The following HHIPL1 variants were observed in gnomAD, a reference collection of about 807,000 sequenced individuals.
HHIPL1 encodes HHIP-like protein 1.
In HHIPL1, 43 loss-of-function variants were observed where a neutral mutation model predicts 61.8. The ratio of observed to expected loss-of-function variants is 0.70; its 90% CI spans 0.55 to 0.90. HHIPL1 has a LOEUF of 0.90. Ranked by LOEUF, HHIPL1 falls within the 40% of genes least tolerant of loss-of-function variation. The pLI is 0.00. For synonymous variants in HHIPL1, 482 were observed against 515.8 expected, an observed-to-expected ratio of 0.93 and a Z score of 0.89; for missense variants, 1,056 against 1,157.7, an observed-to-expected ratio of 0.91 and a Z score of 1.28.
intron 5 of HHIPL1, among the ~76,000 whole-genome samples, chr14:99,661,309 G>C (rs1252363955): frequency 6.6e-6 from 1 of 151,856 alleles, no homozygotes; most frequent in Non-Finnish European, 1.5e-5. Flanking sequence ...GATGATCATA[G>C]TACTTGCCCC....
At chr14:99,614,498 C>T in the HHIPL1 span, among the ~76,000 whole-genome samples, 1 of 152,204 alleles carries the variant, frequency 6.6e-6, no homozygotes, top group Non-Finnish European at 1.5e-5. Flanking sequence ...CAGCCCCAGC[C>T]ACCCTTAGAA....
At chr14:99,631,062 T>TTC in the HHIPL1 span, among the ~76,000 whole-genome samples, 2 of 122,214 alleles carry the variant, frequency 1.6e-5, no homozygotes, top group African/African-American at 6.5e-5. Flanking sequence ...CTTTCTTTCT[T>TTC]TCTTTCTTTC....
intron 1 of HHIPL1, among the ~76,000 whole-genome samples, chr14:99,647,463 AG>A (rs1476775378): frequency 1.3e-5 from 2 of 152,206 alleles, no homozygotes; most frequent in Non-Finnish European, 2.9e-5. Context: ...GGATGGAGGA[AG>A]GGAAGGGTCA....
chr14:99,644,988 G>A (rs1047721765), upstream of HHIPL1: 8 of 390,728 alleles, frequency 2.0e-5, no homozygotes, highest in South Asian at 1.3e-4. Context: ...AATTTGGAAA[G>A]CGGTTAAAAG....
chr14:99,645,432 C>A lies in HHIPL1; in HGVS notation c.225C>A (p.Cys75Ter), dbSNP rs556580842. The A allele has an allele frequency of 2.9e-6, 4 of 1,360,276 alleles. No individual in the cohort carries two copies. Among genetic ancestry groups the A allele is most frequent in the Non-Finnish European group, 3.8e-6 (4 of 1,061,506 alleles). 84.3% of individuals were successfully genotyped at this position (1,360,276 alleles called of 1,614,324 possible). ...SRVDAAEWAACAGYARDLLCQ... is the reference protein window; with the variant it reads ...SRVDAAEWAA ...TGGACGCCGCCGAGTGGGCCGCGTG[C>A]GCCGGCTACGCGAGGGACCTGCTGT... Residue 75 changes from cysteine (C) to a stop codon, truncating the protein, a stop_gained, in exon 1 of 9, where the codon TGC becomes TGA. Transcript: ENST00000330710. LOFTEE classifies it high-confidence loss of function.
chr14:99,647,302 C>CT (rs1326073940), intron 1 of HHIPL1, among the ~76,000 whole-genome samples: 1 of 152,214 alleles, frequency 6.6e-6, no homozygotes, highest in East Asian at 1.9e-4. Flanking sequence ...GGCCAAGCGT[C>CT]TGCCTCCCTC....
chr14:99,655,667 G>A (rs987211620), intron 2 of HHIPL1, among the ~76,000 whole-genome samples: 2 of 152,118 alleles, frequency 1.3e-5, no homozygotes, highest in Non-Finnish European at 2.9e-5. Context: ...ATCAGTGACC[G>A]ATCCTGGAAA....
chr14:99,616,517 G>A, the HHIPL1 span, among the ~76,000 whole-genome samples: 16 of 152,334 alleles, frequency 1.1e-4, no homozygotes, highest in Non-Finnish European at 1.9e-4. Flanking sequence ...GCAAGCGAGA[G>A]TGTCTCAAGC....
Position 99,668,310 on chromosome 14 carries a change from C to T in HHIPL1, c.1730+7C>T, listed in dbSNP as rs767215107. On this transcript the variant is annotated splice_region_variant and intron_variant, in intron 7 of 8. Coordinates refer to ENST00000330710, the MANE Select transcript of HHIPL1 (RefSeq NM_001127258.3). The surrounding 1 kb of genome is among the most constrained non-coding windows in gnomAD (Gnocchi z 4.7). ...AAATAATTGACGCATCCAGGTGAGT[C>T]CCAGCCTCCAGGACAGGGAGCTCCT... The T allele has an allele frequency of 2.5e-6, 4 of 1,581,410 alleles. No homozygotes were observed. In the South Asian group the frequency reaches 4.4e-5, roughly 17 times the overall value.
the HHIPL1 span, among the ~76,000 whole-genome samples, chr14:99,631,108 C>CTTTCTT: frequency 2.4e-4 from 30 of 126,870 alleles, no homozygotes; most frequent in African/African-American, 8.4e-4. Context: ...TTCTTTCTTT[C>CTTTCTT]TCTCTCTTTC....
the HHIPL1 span, among the ~76,000 whole-genome samples, chr14:99,631,093 T>TTTCTTTCTTTCTTTCTTTCC: frequency 6.8e-6 from 1 of 147,266 alleles, no homozygotes; most frequent in Non-Finnish European, 1.5e-5. Flanking sequence ...TCTTTCTTTC[T>TTTCTTTCTTTCTTTCTTTCC]TTCTTTCTTT....
At chr14:99,673,778 G>T in intron 8 of HHIPL1, among the ~76,000 whole-genome samples, 1 of 62,456 alleles carries the variant, frequency 1.6e-5, no homozygotes, top group African/African-American at 6.6e-5. Flanking sequence ...GGAGGGGGTG[G>T]TGCATTAAGG....
At chr14:99,611,701 T>G in the HHIPL1 span, among the ~76,000 whole-genome samples, 1 of 151,670 alleles carries the variant, frequency 6.6e-6, no homozygotes, top group Non-Finnish European at 1.5e-5. Context: ...GTGTTGGGAT[T>G]TCAGGTGGGA....
intron 6 of HHIPL1, among the ~76,000 whole-genome samples, chr14:99,667,319 C>T (rs1427029131): frequency 7.5e-6 from 1 of 133,588 alleles, no homozygotes; most frequent in African/African-American, 2.5e-5. Context: ...TTCTCTGAGC[C>T]TCTTTTTTTT....
the HHIPL1 span, among the ~76,000 whole-genome samples, chr14:99,636,738 A>G: frequency 6.6e-6 from 1 of 152,050 alleles, no homozygotes; most frequent in African/African-American, 2.4e-5. Flanking sequence ...ATGTAATGTC[A>G]GCACTTTGGG....
At chr14:99,659,908 G>A (rs1322979679) in intron 4 of HHIPL1, 152 bp downstream of exon 4, 10 of 741,258 alleles carry the variant, frequency 1.3e-5, no homozygotes, top group Non-Finnish European at 2.1e-5. Context: ...TATGGGCTGT[G>A]CGGCAGGGCC....
At chr14:99,614,255 C>T in the HHIPL1 span, among the ~76,000 whole-genome samples, 498 of 152,290 alleles carry the variant, frequency 3.3e-3, no homozygotes, top group African/African-American at 0.012. Context: ...CCTGTGGGTG[C>T]CCCGGAGCCC....
chr14:99,660,141 GTGGGC>G lies in HHIPL1; in HGVS notation c.1376-138_1376-134del. 1 of 703,256 alleles carries G rather than the reference GTGGGC, an allele frequency of 1.4e-6. No homozygotes were observed. Among genetic ancestry groups the G allele is most frequent in the Non-Finnish European group, 2.0e-6 (1 of 488,892 alleles). 43.6% of individuals were successfully genotyped at this position (703,256 alleles called of 1,614,324 possible). On this transcript the variant is annotated intron_variant, in intron 4 of 8. Coordinates refer to ENST00000330710, the MANE Select transcript of HHIPL1 (RefSeq NM_001127258.3). This position sits in a 1 kb window ranked among gnomAD's most constrained non-coding sequence, Gnocchi z 4.9. ...CGCTTTCCACCACGCCAGCCCTGCT[GTGGGC>G]ACGCCAGCCCTGCTGTGGGCACGCC...
chr14:99,668,364 G>T lies in HHIPL1; in HGVS notation c.1730+61G>T. 2 of 1,016,178 alleles carry T rather than the reference G, an allele frequency of 2.0e-6. No individual in the cohort carries two copies. The highest frequency in any genetic ancestry group is 2.5e-5 in the South Asian group (2 of 79,104). The allele number at this position is 1,016,178 out of a possible 1,614,324, so 62.9% of individuals were successfully genotyped here. On this transcript the variant is annotated intron_variant, in intron 7 of 8. Transcript: ENST00000330710. The surrounding 1 kb of genome is among the most constrained non-coding windows in gnomAD (Gnocchi z 4.7). ...GTCTGTCAGGCCTCTTAGCTCCACGGGCTTGTCCCCTCCGCCTCGCCCTCA... is the reference window on the plus strand; with the variant it reads ...GTCTGTCAGGCCTCTTAGCTCCACGTGCTTGTCCCCTCCGCCTCGCCCTCA...
Sources: gnomAD v4.1 joint callset for allele counts (sites outside exome capture counted in the v4.1 genomes callset) on GRCh38, gnomAD v4.1.1 for gene constraint, Gnocchi (gnomAD v3.1) non-coding constraint, MANE v1.5 for transcripts, NCBI Gene and HGNC (gene_info 2026-07-23, HGNC 2026-07-21) for gene names.